SPTA1: variants seen among roughly 807,000 people sequenced by gnomAD.
SPTA1 encodes the protein spectrin alpha, erythrocytic 1, also known as spectrin alpha chain, erythrocytic 1.
A neutral mutation model predicts 324.7 loss-of-function variants in SPTA1; 177 were observed. That is an observed-to-expected ratio of 0.55 (90% CI 0.48 to 0.62). SPTA1 has a LOEUF of 0.62. SPTA1 is among the 20% of genes least tolerant of loss of function. The probability of loss-of-function intolerance (pLI) is 0.00; values close to 1 mark genes in which losing one functional copy is unlikely to be tolerated. For missense variants in SPTA1, 3,162 were observed against 2,883.6 expected, an observed-to-expected ratio of 1.10 and a Z score of -2.21; for synonymous variants, 1,195 against 1,041.3, an observed-to-expected ratio of 1.15 and a Z score of -2.84.
chr1:158,668,876 G>A (rs1286237079), intron 14 of SPTA1, among the ~76,000 whole-genome samples: 1 of 152,090 alleles, frequency 6.6e-6, no homozygotes, highest in Non-Finnish European at 1.5e-5. Context: ...CTAAATAACT[G>A]CATAACTTTG....
At chr1:158,670,002 T>C (rs997236397) in intron 12 of SPTA1, among the ~76,000 whole-genome samples, 2 of 152,200 alleles carry the variant, frequency 1.3e-5, no homozygotes, top group Non-Finnish European at 2.9e-5. Flanking sequence ...ACCACAATAT[T>C]TTTTAAATAC....
chr1:158,671,470 G>T lies in SPTA1; in HGVS notation c.1489-17C>A, dbSNP rs41273527. The T allele has an allele frequency of 1.9e-6, 3 of 1,597,366 alleles. No individual in the cohort carries two copies. Among genetic ancestry groups the T allele is most frequent in the Non-Finnish European group, 8.6e-7 (1 of 1,166,366 alleles). On this transcript the variant is annotated splice_polypyrimidine_tract_variant and intron_variant, in intron 11 of 51. Transcript: ENST00000643759. ...CAGGAAGGCCTGTAGAAGACAGAAA[G>T]ACACACCTAAGCTGTGTCTGACCGG...
Position 158,657,475 on chromosome 1 carries a change from A to ACCC in SPTA1, c.2804_2805+1dup. On this transcript the variant is annotated splice_donor_variant, in intron 19 of 51. Transcript: ENST00000643759. LOFTEE classifies it high-confidence loss of function. The stretch of plus-strand genomic sequence containing the variant: ...ACAATGTTAAACCCACCCCCACCTT[A>ACCC]CCCCAGCTGCTTCTTCATCAGCACC... The ACCC allele has an allele frequency of 1.3e-6, 2 of 1,570,560 alleles. No homozygotes were observed. The highest frequency in any genetic ancestry group is 1.8e-6 in the Non-Finnish European group (2 of 1,142,120).
Position 158,662,992 on chromosome 1 carries a change from G to A in SPTA1, c.2221-47C>T, listed in dbSNP as rs375571768. On this transcript the variant is annotated intron_variant, in intron 16 of 51. Transcript: ENST00000643759. ...TGCGAAGAAATCCCATCATTTAGTA[G>A]GAAGTAATAGGAGTTTGTCATGGTG... 22 of 1,611,204 alleles carry A rather than the reference G, an allele frequency of 1.4e-5. 1 individual carries two copies. The East Asian group carries it at 2.0e-4, about 15-fold the overall frequency.
chr1:158,638,277 T>C (rs1651245548), intron 35 of SPTA1, 36 bp from the exon 36 acceptor site: 1 of 1,589,438 alleles, frequency 6.3e-7, no homozygotes, highest in African/African-American at 1.3e-5. Flanking sequence ...AATAGTATAG[T>C]ATAGGCATTA....
In SPTA1 at chr1:158,626,980, C is replaced by T. The variant is rs1650320203; in HGVS notation, c.5692G>A (p.Glu1898Lys). 3 of 1,613,724 alleles carry T rather than the reference C, an allele frequency of 1.9e-6. No homozygotes were observed. The highest frequency in any genetic ancestry group is 2.5e-6 in the Non-Finnish European group (3 of 1,179,792). Residue 1898 changes from glutamate to lysine, a missense_variant, in exon 41 of 52, where the codon GAG becomes AAG. Physicochemically the swap from Glu to Lys is moderately conservative, Grantham distance 56. Coordinates refer to ENST00000643759, the MANE Select transcript of SPTA1 (RefSeq NM_003126.4). ...AGAGCCTCTATCTTGGAAGAAATCT[C>T]TTTGTTCTGACTTTCCTCCTGCAAC... ...KVLQEESQNK[E>K]ISSKIEALNE...
intron 36 of SPTA1, among the ~76,000 whole-genome samples, chr1:158,637,053 C>A (rs1651137233): frequency 6.6e-6 from 1 of 152,014 alleles, no homozygotes; most frequent in Non-Finnish European, 1.5e-5. Flanking sequence ...CTCTTTTTTG[C>A]TCAAGAATAC....
Position 158,636,011 on chromosome 1 carries a change from C to A in SPTA1, c.5334G>T (p.Lys1778Asn), listed in dbSNP as rs757616824. The A allele has an allele frequency of 1.2e-6, 2 of 1,614,088 alleles. No homozygotes were observed. The change falls in exon 38 of 52, where the codon AAG becomes AAT. Residue 1778 changes from lysine to asparagine, a missense_variant. Transcript: ENST00000643759. ...AIQNVLDMAE[K>N]LKDKAAVGQE... is the part of the protein sequence containing the mutation. Reference sequence around the variant, plus strand: ...GCCCCACAGCAGCCTTGTCTTTCAGCTTCTCTGCCATATCCAGCACATTCT... The same window carrying A: ...GCCCCACAGCAGCCTTGTCTTTCAGATTCTCTGCCATATCCAGCACATTCT...
chr1:158,615,135 C>G, intron 48 of SPTA1, 81 bp downstream of exon 48: 1 of 1,542,106 alleles, frequency 6.5e-7, no homozygotes, highest in South Asian at 1.1e-5. Context: ...ATCTGGTGCA[C>G]CAAACTCTCG....
At chr1:158,666,258 G>A in intron 16 of SPTA1, 58 bp downstream of exon 16, 3 of 1,565,402 alleles carry the variant, frequency 1.9e-6, no homozygotes, top group South Asian at 2.2e-5. Flanking sequence ...TTAATAACGA[G>A]TGTGCTCAGA....
At chr1:158,654,525 G>A in intron 21 of SPTA1, 86 bp downstream of exon 21, 1 of 1,552,940 alleles carries the variant, frequency 6.4e-7, no homozygotes, top group East Asian at 2.3e-5. Flanking sequence ...AATGTTAGAT[G>A]GTAAAAATAT....
intron 17 of SPTA1, among the ~76,000 whole-genome samples, chr1:158,662,187 A>C (rs987900622): frequency 2.0e-5 from 3 of 152,306 alleles, no homozygotes; most frequent in African/African-American, 2.4e-5. Flanking sequence ...TTTCCAAACT[A>C]TGCATACTAA....
Position 158,680,784 on chromosome 1 carries a change from G to A in SPTA1, c.532-55C>T, listed in dbSNP as rs1654751050. On this transcript the variant is annotated intron_variant, in intron 4 of 51. Transcript: ENST00000643759. Reference sequence around the variant, plus strand: ...AGCAAACATTTAGGAGTTTCTGTAGGTCAAAAACTCAAAACTCCTGCTTGC... The same window carrying A: ...AGCAAACATTTAGGAGTTTCTGTAGATCAAAAACTCAAAACTCCTGCTTGC... The A allele has an allele frequency of 2.5e-6, 4 of 1,607,692 alleles. No homozygotes were observed. The East Asian group carries it at 8.9e-5, about 36-fold the overall frequency.
chr1:158,640,664 A>T (rs61820503), intron 33 of SPTA1, among the ~76,000 whole-genome samples: 2 of 152,192 alleles, frequency 1.3e-5, no homozygotes, highest in African/African-American at 4.8e-5. Context: ...TCAATGAAAT[A>T]AAAGAGGATA....
At chr1:158,613,039 T>A in intron 50 of SPTA1, 78 bp from the exon 51 acceptor site, 1 of 1,509,038 alleles carries the variant, frequency 6.6e-7, no homozygotes, top group Non-Finnish European at 9.1e-7. Flanking sequence ...ACTCAGTGTC[T>A]CAGAAACAGA....
chr1:158,650,406 C>A (rs1652337382), intron 24 of SPTA1, among the ~76,000 whole-genome samples: 1 of 152,138 alleles, frequency 6.6e-6, no homozygotes, highest in Non-Finnish European at 1.5e-5. Context: ...ATAACAACCA[C>A]TATAAAAACA....
intron 38 of SPTA1, among the ~76,000 whole-genome samples, chr1:158,635,316 G>A (rs1373032990): frequency 1.4e-5 from 2 of 143,212 alleles, no homozygotes; most frequent in Non-Finnish European, 3.0e-5. Context: ...CACTCTCCCC[G>A]CCCCCGCCCG....
chr1:158,628,775 T>C (rs1395849149), intron 39 of SPTA1, among the ~76,000 whole-genome samples: 8 of 151,926 alleles, frequency 5.3e-5, no homozygotes, highest in Non-Finnish European at 7.4e-5. Context: ...GTCAAAGAAA[T>C]AAAAGAGATC....
intron 16 of SPTA1, among the ~76,000 whole-genome samples, chr1:158,663,672 T>C (rs535844724): frequency 5.9e-5 from 9 of 152,320 alleles, no homozygotes; most frequent in Admixed American, 1.3e-4. Context: ...TTGCCTTTTT[T>C]TCTCGTTTGT....
Sources: allele counts gnomAD v4.1 joint callset (sites outside exome capture counted in the v4.1 genomes callset), GRCh38; gene constraint gnomAD v4.1.1; transcripts MANE v1.5; gene names NCBI Gene and HGNC (gene_info 2026-07-23, HGNC 2026-07-21).